The following YPEL2 variants were observed in gnomAD, a reference collection of about 807,000 sequenced individuals.
YPEL2 encodes yippee like 2.
In YPEL2, 2 loss-of-function variants were observed where a neutral mutation model predicts 19.1. That is an observed-to-expected ratio of 0.10 (90% confidence interval 0.04 to 0.33). The LOEUF (loss-of-function observed/expected upper bound fraction) is 0.33, where lower values mean the gene tolerates loss of function less well. Among genes scored for constraint, YPEL2 ranks in the 10% least tolerant of loss-of-function variants. YPEL2 has a pLI of 1.00. For synonymous variants in YPEL2, 52 were observed against 50.0 expected, an observed-to-expected ratio of 1.04 and a Z score of -0.17; for missense variants, 66 against 140.7, an observed-to-expected ratio of 0.47 and a Z score of 2.68.
intron 2 of YPEL2, among the ~76,000 whole-genome samples, chr17:59,365,270 T>C (rs543319115): frequency 8.5e-5 from 13 of 152,310 alleles, no homozygotes; most frequent in Admixed American, 8.5e-4. Context: ...GAATCGCTTG[T>C]TCCTTATCCC....
chr17:59,346,303 C>G (rs775299204), intron 1 of YPEL2, among the ~76,000 whole-genome samples: 29 of 152,156 alleles, frequency 1.9e-4, no homozygotes, highest in Non-Finnish European at 3.2e-4. Flanking sequence ...CACAAGGTCC[C>G]TTTCAGTCTT....
chr17:59,355,450 T>C (rs1272268359), intron 2 of YPEL2: 1 of 152,190 alleles, frequency 6.6e-6, no homozygotes, highest in Non-Finnish European at 1.5e-5. Context: ...GAGTCTGGCT[T>C]TTTTGGTAGG....
chr17:59,397,084 G>A lies in YPEL2; in HGVS notation c.271-17G>A, dbSNP rs749891543. On this transcript the variant is annotated splice_polypyrimidine_tract_variant and intron_variant, in intron 4 of 4. Coordinates refer to ENST00000312655, the MANE Select transcript of YPEL2 (RefSeq NM_001005404.4). ...TTTGGTCGTTCAGTATCTCTTCTCT[G>A]CTTCTGTATTTCCTAGGAACATGCT... The A allele has an allele frequency of 1.3e-6, 2 of 1,589,856 alleles. No individual in the cohort carries two copies. Among genetic ancestry groups the A allele is most frequent in the East Asian group, 4.5e-5 (2 of 44,464 alleles).
At chr17:59,394,171 G>T (rs2048024448) in intron 4 of YPEL2, among the ~76,000 whole-genome samples, 1 of 151,804 alleles carries the variant, frequency 6.6e-6, no homozygotes, top group African/African-American at 2.4e-5. Flanking sequence ...TCCCGGACGG[G>T]GCGGCTGGCC....
chr17:59,393,072 T>G (rs1598054598), intron 4 of YPEL2, among the ~76,000 whole-genome samples: 1 of 152,166 alleles, frequency 6.6e-6, no homozygotes, highest in South Asian at 2.1e-4. Context: ...TGACACCAGG[T>G]CTAGTGCACT....
chr17:59,393,399 GGTTAGGATTATGGGTGTGAGCCACCACGC>G (rs2048018056), intron 4 of YPEL2, among the ~76,000 whole-genome samples: 1 of 150,082 alleles, frequency 6.7e-6, no homozygotes, highest in Admixed American at 6.6e-5. Flanking sequence ...CCTCTCAAAG[GGTTAGGATTATGGGTGTGAGCCACCACGC>G]CTGGCCGAAT....
At position 59,350,723 on chromosome 17, in the gene YPEL2, T is replaced by G. The variant is rs181748429; in HGVS notation, c.-195-2492T>G. Among the ~76,000 whole-genome samples the G allele has an allele frequency of 2.4e-3, 370 of 152,348 alleles. 2 individuals carry two copies. Among genetic ancestry groups the G allele is most frequent in the East Asian group, 0.01 (54 of 5,190 alleles). On this transcript the variant is annotated intron_variant, in intron 1 of 4. Coordinates refer to ENST00000312655, the MANE Select transcript of YPEL2 (RefSeq NM_001005404.4). ...GAAACTTCTACCTGTAAACTTTTTT[T>G]GGGGGTTTCCTTCAGAGGAGAAGTG... is the stretch of plus-strand genomic sequence containing the variant.
intron 1 of YPEL2, 73 bp downstream of exon 1, chr17:59,331,897 TCCCCGGCCCCGGCCTCCGGACTC>T (rs1453843517): frequency 2.6e-5 from 4 of 151,212 alleles, no homozygotes; most frequent in East Asian, 2.0e-4. Flanking sequence ...GGGCTCTGGG[TCCCCGGCCCCGGCCTCCGGACTC>T]CCCCGGCCGG....
At chr17:59,384,017 T>G (rs1244140480) in intron 2 of YPEL2, among the ~76,000 whole-genome samples, 1 of 152,206 alleles carries the variant, frequency 6.6e-6, no homozygotes, top group Admixed American at 6.5e-5. Context: ...TTCGTTTCAC[T>G]TGGGTAAATG....
chr17:59,332,522 C>G (rs922475881), intron 1 of YPEL2, among the ~76,000 whole-genome samples: 1 of 152,170 alleles, frequency 6.6e-6, no homozygotes, highest in African/African-American at 2.4e-5. Context: ...CGCTTAGGGG[C>G]GGCCCCGACC....
At chr17:59,361,903 G>A (rs900270952) in intron 2 of YPEL2, among the ~76,000 whole-genome samples, 10 of 152,210 alleles carry the variant, frequency 6.6e-5, no homozygotes, top group Non-Finnish European at 1.5e-5. Context: ...GGTAAAAGGA[G>A]CATCAGGAAC....
At chr17:59,385,115 G>A (rs1479396472) in intron 2 of YPEL2, among the ~76,000 whole-genome samples, 2 of 152,158 alleles carry the variant, frequency 1.3e-5, no homozygotes, top group South Asian at 4.2e-4. Flanking sequence ...AAACCAAAAA[G>A]AAATGAACTA....
chr17:59,374,737 G>T (rs554269655), intron 2 of YPEL2, among the ~76,000 whole-genome samples: 3 of 152,286 alleles, frequency 2.0e-5, no homozygotes, highest in South Asian at 2.1e-4. Flanking sequence ...TGAAGGGACC[G>T]GTAGGAAGAA....
intron 2 of YPEL2, among the ~76,000 whole-genome samples, chr17:59,367,321 T>C (rs2047875299): frequency 6.6e-6 from 1 of 151,792 alleles, no homozygotes; most frequent in Non-Finnish European, 1.5e-5. Context: ...ACTTCCAGAG[T>C]AGGGGCAGCC....
At chr17:59,340,661 C>T (rs1235251933) in intron 1 of YPEL2, among the ~76,000 whole-genome samples, 2 of 151,948 alleles carry the variant, frequency 1.3e-5, no homozygotes, top group East Asian at 1.9e-4. Flanking sequence ...GTGATCCGCC[C>T]ACCTCGGCCT....
chr17:59,380,336 G>C (rs1018967843), intron 2 of YPEL2, among the ~76,000 whole-genome samples: 4 of 143,206 alleles, frequency 2.8e-5, no homozygotes, highest in African/African-American at 1.1e-4. Flanking sequence ...GAGTGCAGTG[G>C]TGCTGTCTCG....
intron 2 of YPEL2, chr17:59,356,385 T>A (rs574512142): frequency 6.7e-6 from 1 of 150,014 alleles, no homozygotes; most frequent in South Asian, 2.2e-4. Flanking sequence ...GAACTGGGAC[T>A]AGGACTAGAA....
At position 59,400,028 on chromosome 17, in the gene YPEL2, A is replaced by G. The variant is rs544351150; in HGVS notation, c.*2838A>G. The G allele has an allele frequency of 3.3e-5, 5 of 152,808 alleles. No individual in the cohort carries two copies. The highest frequency in any genetic ancestry group is 6.5e-5 in the Admixed American group (1 of 15,290). The allele number at this position is 152,808 out of a possible 1,614,324, so 9.5% of individuals were successfully genotyped here. Reference sequence around the variant, plus strand: ...TCCAGCCAGCAGACTCTCTAGCTCCATCTCCCCTGTGCCACCCTAGGTCAT... The same window carrying G: ...TCCAGCCAGCAGACTCTCTAGCTCCGTCTCCCCTGTGCCACCCTAGGTCAT... On this transcript the variant is annotated 3_prime_UTR_variant, in exon 5 of 5. Coordinates refer to ENST00000312655, the MANE Select transcript of YPEL2 (RefSeq NM_001005404.4).
intron 1 of YPEL2, among the ~76,000 whole-genome samples, chr17:59,349,140 C>T (rs1453842050): frequency 7.2e-6 from 1 of 138,684 alleles, no homozygotes. Context: ...CGCCACTGCA[C>T]TCCAGCCTGG....
Sources: allele counts gnomAD v4.1 joint callset (sites outside exome capture counted in the v4.1 genomes callset), GRCh38; gene constraint gnomAD v4.1.1; transcripts MANE v1.5; gene names NCBI Gene and HGNC (gene_info 2026-07-23, HGNC 2026-07-21).